The following TM9SF4 variants were observed in gnomAD, a reference collection of about 807,000 sequenced individuals.
TM9SF4 encodes the protein transmembrane 9 superfamily member 4, also known as dinucleotide oxidase disulfide thiol exchanger 3 superfamily member 4.
In TM9SF4, 26 loss-of-function variants were observed where a neutral mutation model predicts 90.4. The ratio of observed to expected loss-of-function variants is 0.29; its 90% CI spans 0.21 to 0.40. The LOEUF (loss-of-function observed/expected upper bound fraction) is 0.40. TM9SF4 is among the 10% of genes least tolerant of loss of function. TM9SF4 has a pLI of 1.00. For missense variants in TM9SF4, 549 were observed against 834.8 expected, an observed-to-expected ratio of 0.66 and a Z score of 4.22; for synonymous variants, 293 against 315.4, an observed-to-expected ratio of 0.93 and a Z score of 0.75.
chr20:32,145,216 A>C lies in TM9SF4; in HGVS notation c.771+7A>C, dbSNP rs370898272. 3.7e-6 allele frequency: 6 copies of C among 1,613,954 alleles called. No individual in the cohort carries two copies. The African/African-American group carries it at 8.0e-5, about 22-fold the overall frequency. On this transcript the variant is annotated splice_region_variant and intron_variant, in intron 7 of 17. Coordinates refer to ENST00000398022, the MANE Select transcript of TM9SF4 (RefSeq NM_014742.4). ...CTACTCTGTCCACTGGGAGGTGAGA[A>C]GGGGCTGGAGCTCATGGGCAGGGGA... is the stretch of plus-strand genomic sequence containing the variant.
chr20:32,136,016 ATG>A, intron 2 of TM9SF4, 56 bp from the exon 3 acceptor site: 3 of 1,470,050 alleles, frequency 2.0e-6, no homozygotes, highest in Non-Finnish European at 2.9e-6. Context: ...TGTACTAAAG[ATG>A]TGTGGGTACC....
chr20:32,124,197 GC>G (rs1355612605), intron 1 of TM9SF4, among the ~76,000 whole-genome samples: 1 of 152,076 alleles, frequency 6.6e-6, no homozygotes, highest in East Asian at 1.9e-4. Flanking sequence ...AAACTAGCCT[GC>G]CTTCATTATT....
Position 32,143,078 on chromosome 20 carries a change from G to A in TM9SF4, c.625G>A (p.Val209Met), listed in dbSNP as rs1360793748. ...CACGTACCGTGTCGTCCGCTTCGAG[G>A]TGATTCCCCAGAGCATCAGGCTGGA... ...EHTYRVVRFE[V>M]IPQSIRLEDL... The change falls in exon 6 of 18, where the codon GTG becomes ATG. Residue 209 changes from valine (V) to methionine (M), a missense_variant. Val to Met is a conservative substitution (Grantham distance 21). Around this residue, in one of 2 missense-constraint regions of TM9SF4, gnomAD observed 495 missense variants for 711.7 expected, o/e 0.70. Transcript: ENST00000398022. 2 of 1,613,718 alleles carry A rather than the reference G, an allele frequency of 1.2e-6. No individual in the cohort carries two copies. The highest frequency in any genetic ancestry group is 1.1e-5 in the South Asian group (1 of 91,072).
At chr20:32,123,866 A>ATATATATATATATTTTTTT in intron 1 of TM9SF4, among the ~76,000 whole-genome samples, 7 of 93,962 alleles carry the variant, frequency 7.4e-5, no homozygotes, top group East Asian at 1.5e-3. Context: ...ATATATATAT[A>ATATATATATATATTTTTTT]TTTTTTTTTT....
intron 1 of TM9SF4, 49 bp downstream of exon 1, chr20:32,109,804 G>A (rs1032649757): frequency 2.6e-6 from 4 of 1,551,148 alleles, no homozygotes; most frequent in African/African-American, 2.7e-5. Flanking sequence ...GGCCCTCCGG[G>A]GTATCCCAGG....
intron 1 of TM9SF4, 167 bp downstream of exon 1, chr20:32,109,922 C>T: frequency 2.1e-6 from 3 of 1,457,098 alleles, no homozygotes; most frequent in Non-Finnish European, 2.7e-6. Context: ...ACCTCCCTGG[C>T]CCTGCCCCTG....
chr20:32,161,846 CTCT>C (rs1188635885), intron 17 of TM9SF4, among the ~76,000 whole-genome samples: 3 of 152,184 alleles, frequency 2.0e-5, no homozygotes, highest in Admixed American at 6.5e-5. Context: ...TGCAGGTGTT[CTCT>C]TCTTCACGCA....
intron 3 of TM9SF4, among the ~76,000 whole-genome samples, chr20:32,140,301 A>AG (rs11167300): frequency 0.91 from 138,193 of 152,264 alleles, 62,994 homozygotes; most frequent in East Asian, 1. Context: ...ATCTGGCAGC[A>AG]GTTACTCTGA....
intron 1 of TM9SF4, among the ~76,000 whole-genome samples, chr20:32,124,548 C>G (rs993332234): frequency 5.9e-5 from 9 of 152,086 alleles, no homozygotes; most frequent in African/African-American, 2.2e-4. Flanking sequence ...GTTTCCCTCT[C>G]TGACCCCCTG....
chr20:32,124,434 C>T (rs1040764789), intron 1 of TM9SF4, among the ~76,000 whole-genome samples: 1 of 152,166 alleles, frequency 6.6e-6, no homozygotes, highest in Non-Finnish European at 1.5e-5. Context: ...AAGCATGGTT[C>T]CCAGCCTGGT....
chr20:32,154,416 A>T (rs185355172), intron 12 of TM9SF4, among the ~76,000 whole-genome samples: 3,613 of 151,268 alleles, frequency 0.024, 141 homozygotes, highest in African/African-American at 0.084. Flanking sequence ...CAAAAAAAAA[A>T]TTTTTTTACA....
chr20:32,146,052 G>GT (rs1443504512), intron 8 of TM9SF4, among the ~76,000 whole-genome samples: 2 of 152,180 alleles, frequency 1.3e-5, no homozygotes, highest in East Asian at 3.8e-4. Flanking sequence ...GACACTGATG[G>GT]TTTCACTATC....
Position 32,150,331 on chromosome 20 carries a change from C to T in TM9SF4, c.1088-291C>T, listed in dbSNP as rs189168759. Among the ~76,000 whole-genome samples the T allele has an allele frequency of 9.2e-5, 14 of 152,336 alleles. No individual in the cohort carries two copies. In the East Asian group the frequency reaches 2.7e-3, roughly 29 times the overall value. On this transcript the variant is annotated intron_variant, in intron 10 of 17. Coordinates refer to ENST00000398022, the MANE Select transcript of TM9SF4 (RefSeq NM_014742.4). ...GACCTGGCATTTGTGGTGCCCTCAGCCCAGCACCTGACTCACTGCAAGTGC... is the reference window on the plus strand; with the variant it reads ...GACCTGGCATTTGTGGTGCCCTCAGTCCAGCACCTGACTCACTGCAAGTGC...
chr20:32,139,184 G>A (rs768263815), intron 3 of TM9SF4, among the ~76,000 whole-genome samples: 49 of 152,330 alleles, frequency 3.2e-4, no homozygotes, highest in African/African-American at 6.3e-4. Context: ...CGCCTACAGC[G>A]GTGTAGCTCG....
intron 2 of TM9SF4, among the ~76,000 whole-genome samples, chr20:32,135,421 T>G (rs1487984798): frequency 6.6e-6 from 1 of 152,216 alleles, no homozygotes; most frequent in Non-Finnish European, 1.5e-5. Flanking sequence ...CTTGTCCTTA[T>G]AGAGCTTAAA....
intron 9 of TM9SF4, among the ~76,000 whole-genome samples, chr20:32,147,857 G>GT (rs2046785346): frequency 1.2e-5 from 1 of 83,992 alleles, no homozygotes; most frequent in Non-Finnish European, 2.4e-5. Context: ...TGTCTCCAAA[G>GT]GAAAAAAAAA....
chr20:32,120,022 A>G (rs183975714), intron 1 of TM9SF4, among the ~76,000 whole-genome samples: 43 of 152,338 alleles, frequency 2.8e-4, no homozygotes, highest in African/African-American at 1.0e-3. Context: ...CTTTATGCAT[A>G]TTCTTACCAC....
chr20:32,113,466 T>C (rs554653405), intron 1 of TM9SF4, among the ~76,000 whole-genome samples: 3 of 152,190 alleles, frequency 2.0e-5, no homozygotes, highest in South Asian at 2.1e-4. Flanking sequence ...TAGGTCTGAA[T>C]TGAGATGCGG....
chr20:32,132,040 T>C (rs1350280525), intron 1 of TM9SF4, among the ~76,000 whole-genome samples: 1 of 152,134 alleles, frequency 6.6e-6, no homozygotes, highest in Non-Finnish European at 1.5e-5. Context: ...AGCCCTGAGG[T>C]TGTTTTTTAG....
Sources: gnomAD v4.1 joint callset for allele counts (sites outside exome capture counted in the v4.1 genomes callset) on GRCh38, gnomAD v4.1.1 for gene constraint, gnomAD v4.1.1 regional missense constraint, MANE v1.5 for transcripts, NCBI Gene and HGNC (gene_info 2026-07-23, HGNC 2026-07-21) for gene names.